CFAP54: variants seen among roughly 807,000 people sequenced by gnomAD.
CFAP54 encodes cilia and flagella associated protein 54, also known as cilia- and flagella-associated protein 54.
In CFAP54, 290 loss-of-function variants were observed where a neutral mutation model predicts 370.4. The observed-to-expected ratio is 0.78, with a 90% CI of 0.71 to 0.86. The LOEUF (loss-of-function observed/expected upper bound fraction) is 0.86, where lower values mean the gene tolerates loss of function less well. Among genes scored for constraint, CFAP54 ranks in the 40% least tolerant of loss-of-function variants. The pLI, the probability that CFAP54 is intolerant of heterozygous loss-of-function variation, is 0.00. For missense variants in CFAP54, 3,399 were observed against 3,528.7 expected, an observed-to-expected ratio of 0.96 and a Z score of 0.93; for synonymous variants, 1,206 against 1,236.5, an observed-to-expected ratio of 0.98 and a Z score of 0.52.
chr12:96,695,329 C>T (rs986834910), intron 45 of CFAP54, among the ~76,000 whole-genome samples: 15 of 152,344 alleles, frequency 9.8e-5, no homozygotes, highest in Admixed American at 6.5e-5. Context: ...AATTTCGCTT[C>T]GTGTCTAAAC....
intron 36 of CFAP54, 122 bp from the exon 37 acceptor site, chr12:96,657,760 A>G (rs558401084): frequency 6.9e-5 from 52 of 750,648 alleles, no homozygotes. Context: ...GCATAAGAAA[A>G]ATATTTTTTC....
intron 50 of CFAP54, among the ~76,000 whole-genome samples, chr12:96,738,003 A>T (rs991627692): frequency 3.3e-5 from 5 of 152,106 alleles, no homozygotes; most frequent in Admixed American, 3.3e-4. Flanking sequence ...CAGCTTGAAG[A>T]GATCACTGTG....
At chr12:96,644,890 C>G (rs748972121) in intron 33 of CFAP54, among the ~76,000 whole-genome samples, 21 of 152,138 alleles carry the variant, frequency 1.4e-4, no homozygotes, top group Non-Finnish European at 1.5e-4. Flanking sequence ...AACCATATCA[C>G]TAACCATTGG....
intron 9 of CFAP54, 111 bp downstream of exon 9, chr12:96,527,555 TTTTTTTTGTTTGG>T: frequency 1.5e-6 from 1 of 649,498 alleles, no homozygotes; most frequent in Non-Finnish European, 2.3e-6. Context: ...TATTGTTTTT[TTTTTTTTGTTTGG>T]TTGTTTGTTT....
chr12:96,661,145 C>T, intron 38 of CFAP54, among the ~76,000 whole-genome samples: 1 of 152,066 alleles, frequency 6.6e-6, no homozygotes, highest in South Asian at 2.1e-4. Flanking sequence ...TCAGCTTAAC[C>T]TTTCACCCCT....
chr12:96,573,631 C>T (rs1346824373), intron 19 of CFAP54, among the ~76,000 whole-genome samples: 1 of 152,088 alleles, frequency 6.6e-6, no homozygotes, highest in East Asian at 1.9e-4. Flanking sequence ...ACCCTTTTGT[C>T]CATCCATTTG....
intron 32 of CFAP54, among the ~76,000 whole-genome samples, chr12:96,639,305 A>G (rs1027270397): frequency 2.0e-5 from 3 of 152,258 alleles, no homozygotes; most frequent in African/African-American, 7.2e-5. Context: ...AAACACCTCT[A>G]TGCAAATGAA....
rs958979483 is a variant in CFAP54 at position 96,657,973 on chromosome 12, C to G, written c.5192C>G (p.Pro1731Arg). 4 of 1,613,390 alleles carry G rather than the reference C, an allele frequency of 2.5e-6. No individual in the cohort carries two copies. In the African/African-American group the frequency reaches 5.3e-5, roughly 22 times the overall value. Residue 1731 changes from proline to arginine, a missense_variant, in exon 37 of 68, where the codon CCT (proline) becomes CGT (arginine). Physicochemically the swap from Pro to Arg is moderately radical, Grantham distance 103. Coordinates refer to ENST00000524981, the MANE Select transcript of CFAP54 (RefSeq NM_001306084.2). ...NGGSSLTFEHPLDDVNVVDLK... is the reference protein window; with the variant it reads ...NGGSSLTFEHRLDDVNVVDLK... ...GGTTCTAGTCTTACCTTTGAGCATC[C>G]TTTGGATGATGTAAATGTGGTTGAT...
chr12:96,781,654 A>T (rs1223452115), intron 60 of CFAP54, among the ~76,000 whole-genome samples: 1 of 152,166 alleles, frequency 6.6e-6, no homozygotes, highest in Non-Finnish European at 1.5e-5. Context: ...GCATCAAGAG[A>T]TATGACCTGT....
At chr12:96,655,122 G>A (rs1956907210) in intron 36 of CFAP54, among the ~76,000 whole-genome samples, 2 of 151,612 alleles carry the variant, frequency 1.3e-5, no homozygotes, top group Non-Finnish European at 2.9e-5. Context: ...AGGAGAGTAT[G>A]ATACTGACCT....
chr12:96,538,422 A>T lies in CFAP54; in HGVS notation c.1830A>T (p.Ile610=), dbSNP rs941534440. The change falls in exon 13 of 68, where the codon ATA becomes ATT. Residue 610 remains isoleucine, a synonymous_variant. Transcript: ENST00000524981. ...ATAAAGAAATTGTTGTGGACACGAT[A>T]ATGTTCCTATGGCAGAAATGCAAAT... ...QPDKEIVVDT[I]MFLWQKCKLG... The T allele has an allele frequency of 6.5e-5, 100 of 1,535,726 alleles. No homozygotes were observed. The highest frequency in any genetic ancestry group is 7.8e-5 in the Non-Finnish European group (90 of 1,146,696).
At chr12:96,569,939 T>A (rs989356078) in intron 19 of CFAP54, among the ~76,000 whole-genome samples, 1 of 152,178 alleles carries the variant, frequency 6.6e-6, no homozygotes, top group African/African-American at 2.4e-5. Flanking sequence ...GATTTTTTTT[T>A]AGGGGGGAAG....
intron 66 of CFAP54, among the ~76,000 whole-genome samples, chr12:96,831,814 C>T (rs1160412293): frequency 3.9e-5 from 6 of 152,142 alleles, no homozygotes; most frequent in Admixed American, 2.0e-4. Flanking sequence ...TTTTGAACAT[C>T]TGAAATTTAA....
intron 39 of CFAP54, among the ~76,000 whole-genome samples, chr12:96,677,184 T>A (rs1478018951): frequency 3.4e-4 from 19 of 56,634 alleles, no homozygotes; most frequent in African/African-American, 7.9e-4. Context: ...TTTTATTTTA[T>A]TTTTTTTGTA....
intron 14 of CFAP54, among the ~76,000 whole-genome samples, chr12:96,546,318 C>T (rs750035152): frequency 6.6e-5 from 10 of 152,144 alleles, no homozygotes; most frequent in Non-Finnish European, 1.3e-4. Context: ...TCACAGAAAT[C>T]TGTGTTGATT....
intron 4 of CFAP54, among the ~76,000 whole-genome samples, chr12:96,508,826 G>C (rs182701198): frequency 6.6e-6 from 1 of 151,946 alleles, no homozygotes; most frequent in African/African-American, 2.4e-5. Context: ...TATCCATACA[G>C]GCCTGGCGAT....
At chr12:96,657,652 T>C (rs370758475) in intron 36 of CFAP54, among the ~76,000 whole-genome samples, 1 of 152,218 alleles carries the variant, frequency 6.6e-6, no homozygotes, top group Non-Finnish European at 1.5e-5. Context: ...CTAGTGGCTA[T>C]AGGGAACGAT....
chr12:96,752,795 T>A (rs7304853), intron 55 of CFAP54, among the ~76,000 whole-genome samples: 55,901 of 152,014 alleles, frequency 0.37, 11,269 homozygotes, highest in East Asian at 0.58. Flanking sequence ...CTAGGCTTCA[T>A]GACCTCCCTC....
At chr12:96,536,009 T>C (rs1009753587) in intron 12 of CFAP54, among the ~76,000 whole-genome samples, 1 of 152,222 alleles carries the variant, frequency 6.6e-6, no homozygotes, top group Non-Finnish European at 1.5e-5. Context: ...TATTATAATA[T>C]AGCAATGGTT....
Sources: allele counts gnomAD v4.1 joint callset (sites outside exome capture counted in the v4.1 genomes callset), GRCh38; gene constraint gnomAD v4.1.1; transcripts MANE v1.5; gene names NCBI Gene and HGNC (gene_info 2026-07-23, HGNC 2026-07-21).